NWD2: variants seen among roughly 807,000 people sequenced by gnomAD.
The protein encoded by NWD2 is NACHT and WD repeat domain containing 2, also known as NACHT and WD repeat domain-containing protein 2.
A neutral mutation model predicts 132.7 loss-of-function variants in NWD2; 37 were observed. That is an observed-to-expected ratio of 0.28 (90% CI 0.21 to 0.37). The LOEUF is 0.37. Among genes scored for constraint, NWD2 ranks in the 10% least tolerant of loss-of-function variants. The pLI is 1.00. For missense variants in NWD2, 1,592 were observed against 2,122.4 expected, an observed-to-expected ratio of 0.75 and a Z score of 4.91; for synonymous variants, 705 against 803.0, an observed-to-expected ratio of 0.88 and a Z score of 2.06.
intron 3 of NWD2, among the ~76,000 whole-genome samples, chr4:37,392,751 T>C (rs1222874336): frequency 6.6e-6 from 1 of 152,216 alleles, no homozygotes; most frequent in Non-Finnish European, 1.5e-5. Context: ...CTCTGCACAC[T>C]GCAGGGCACT....
chr4:37,432,047 T>G (rs1451140374), intron 4 of NWD2, among the ~76,000 whole-genome samples: 1 of 152,198 alleles, frequency 6.6e-6, no homozygotes, highest in Non-Finnish European at 1.5e-5. Context: ...CTATAATGTG[T>G]CTATTTGTTC....
intron 2 of NWD2, among the ~76,000 whole-genome samples, chr4:37,346,763 G>T (rs906617541): frequency 1.2e-4 from 19 of 152,022 alleles, no homozygotes; most frequent in Admixed American, 1.3e-4. Flanking sequence ...TTTTCTTAGT[G>T]ATCTTATGAA....
At chr4:37,395,584 C>CAAAAAAAAAAAAAAAAAAAAAAAAAA (rs1156884728) in intron 3 of NWD2, among the ~76,000 whole-genome samples, 1 of 18,276 alleles carries the variant, frequency 5.5e-5, no homozygotes, top group African/African-American at 1.9e-4. Flanking sequence ...AACTCTGTCT[C>CAAAAAAAAAAAAAAAAAAAAAAAAAA]AAAAAAAAAA....
intron 3 of NWD2, among the ~76,000 whole-genome samples, chr4:37,380,812 G>A (rs1173672601): frequency 6.6e-6 from 1 of 152,164 alleles, no homozygotes; most frequent in Non-Finnish European, 1.5e-5. Context: ...GTGGAATTCG[G>A]AGGCTTCATC....
intron 2 of NWD2, among the ~76,000 whole-genome samples, chr4:37,341,925 T>G (rs538065344): frequency 7.9e-5 from 12 of 152,236 alleles, no homozygotes; most frequent in African/African-American, 2.9e-4. Flanking sequence ...GAGCAAGAAT[T>G]TAAGCAGGGA....
chr4:37,350,663 A>C (rs967388459), intron 2 of NWD2, among the ~76,000 whole-genome samples: 1 of 152,128 alleles, frequency 6.6e-6, no homozygotes, highest in Non-Finnish European at 1.5e-5. Context: ...TTCTTATCTG[A>C]ATACCCTTTA....
chr4:37,261,507 AC>A lies in NWD2; in HGVS notation c.151+16292del, dbSNP rs1717635696. Among the ~76,000 whole-genome samples, 2 of 152,128 alleles carry A rather than the reference AC, an allele frequency of 1.3e-5. 1 individual carries two copies. Among genetic ancestry groups the A allele is most frequent in the African/African-American group, 4.8e-5 (2 of 41,420 alleles). On this transcript the variant is annotated intron_variant, in intron 1 of 6. Coordinates refer to ENST00000309447, the MANE Select transcript of NWD2 (RefSeq NM_001144990.2). ...AGGCATGCCTTCTTACTTCACAGAC[AC>A]CCATTTTCCATGAAACTCGCAAGAA...
At chr4:37,338,671 T>C (rs977134631) in intron 2 of NWD2, among the ~76,000 whole-genome samples, 11 of 152,214 alleles carry the variant, frequency 7.2e-5, no homozygotes, top group Non-Finnish European at 1.6e-4. Context: ...AGCGTGGCCT[T>C]ACTAATAATT....
At chr4:37,306,351 A>T (rs1718708354) in intron 1 of NWD2, among the ~76,000 whole-genome samples, 1 of 151,648 alleles carries the variant, frequency 6.6e-6, no homozygotes, top group South Asian at 2.1e-4. Context: ...TATTTCCTTT[A>T]TTCTAATGTG....
Position 37,445,648 on chromosome 4 carries a change from G to A in NWD2, c.3660G>A (p.Trp1220Ter). 1 of 1,552,248 alleles carries A rather than the reference G, an allele frequency of 6.4e-7. No individual in the cohort carries two copies. The highest frequency in any genetic ancestry group is 1.2e-5 in the South Asian group (1 of 84,062). The change falls in exon 7 of 7, where the codon TGG (tryptophan) becomes TGA (stop). Residue 1220 changes from tryptophan to a stop codon, truncating the protein, a stop_gained. Coordinates refer to ENST00000309447, the MANE Select transcript of NWD2 (RefSeq NM_001144990.2). LOFTEE classifies it high-confidence loss of function. This position sits in a 1 kb window ranked among gnomAD's most constrained non-coding sequence, Gnocchi z 4.7. ...TTGAGCTCTTAGATACTGGTCTGTG[G>A]AAGGTGGCTGAAAAGTTCAGAGCCA... is the stretch of plus-strand genomic sequence containing the variant. ...LSIELLDTGL[W>*]KVAEKFRAKH... is the part of the protein sequence containing the mutation.
chr4:37,358,350 T>C (rs1176859760), intron 3 of NWD2, among the ~76,000 whole-genome samples: 1 of 149,748 alleles, frequency 6.7e-6, no homozygotes, highest in Non-Finnish European at 1.5e-5. Context: ...ATACGTGGTT[T>C]GGGGGGGTTG....
chr4:37,386,194 C>T (rs930537305), intron 3 of NWD2, among the ~76,000 whole-genome samples: 2 of 152,058 alleles, frequency 1.3e-5, no homozygotes, highest in African/African-American at 4.8e-5. Context: ...GGGATTTCTA[C>T]AGCTAAACTC....
chr4:37,308,645 T>C (rs1718765023), intron 1 of NWD2, among the ~76,000 whole-genome samples: 1 of 152,122 alleles, frequency 6.6e-6, no homozygotes, highest in Non-Finnish European at 1.5e-5. Context: ...AGCAGGGTAG[T>C]TCTTAGGCCC....
chr4:37,433,592 C>T (rs1005859160), intron 4 of NWD2, among the ~76,000 whole-genome samples: 11 of 152,188 alleles, frequency 7.2e-5, no homozygotes, highest in African/African-American at 2.6e-4. Flanking sequence ...TTTCTTATGG[C>T]ATTTGTATCA....
chr4:37,447,251 T>C lies in NWD2; in HGVS notation c.*34T>C. On this transcript the variant is annotated 3_prime_UTR_variant, in exon 7 of 7. Coordinates refer to ENST00000309447, the MANE Select transcript of NWD2 (RefSeq NM_001144990.2). ...TTTCCAGCTAAGCAGAAATATGTGA[T>C]CCACGTACAGAAGGGAAAAAAATGT... 6.7e-7 allele frequency: 1 copy of C among 1,488,660 alleles called. No individual in the cohort carries two copies. Among genetic ancestry groups the C allele is most frequent in the Non-Finnish European group, 9.1e-7 (1 of 1,102,266 alleles). 92.2% of individuals were successfully genotyped at this position (1,488,660 alleles called of 1,614,324 possible). A position where few individuals can be genotyped will look rare whatever the true frequency, so the allele number is the denominator to read the frequency against.
At chr4:37,317,428 C>G (rs763213505) in intron 1 of NWD2, among the ~76,000 whole-genome samples, 2 of 152,176 alleles carry the variant, frequency 1.3e-5, no homozygotes, top group Non-Finnish European at 2.9e-5. Flanking sequence ...TTGTCTACCT[C>G]TGAGACCACT....
At chr4:37,391,355 C>T (rs1182328409) in intron 3 of NWD2, among the ~76,000 whole-genome samples, 2 of 152,130 alleles carry the variant, frequency 1.3e-5, no homozygotes, top group African/African-American at 4.8e-5. Context: ...TACATGTAGA[C>T]GTGCCTGCAG....
chr4:37,338,251 T>A (rs769620742), intron 2 of NWD2, among the ~76,000 whole-genome samples: 1 of 152,222 alleles, frequency 6.6e-6, no homozygotes, highest in African/African-American at 2.4e-5. Context: ...TTGTGTGTGA[T>A]CATGTAATTG....
intron 2 of NWD2, among the ~76,000 whole-genome samples, chr4:37,346,858 CA>C (rs1281460421): frequency 6.6e-6 from 1 of 152,008 alleles, no homozygotes; most frequent in Non-Finnish European, 1.5e-5. Context: ...TTAATTTCAT[CA>C]GATTTTTTCA....
Sources: gnomAD v4.1 joint callset for allele counts (sites outside exome capture counted in the v4.1 genomes callset) on GRCh38, gnomAD v4.1.1 for gene constraint, Gnocchi (gnomAD v3.1) non-coding constraint, MANE v1.5 for transcripts, NCBI Gene and HGNC (gene_info 2026-07-23, HGNC 2026-07-21) for gene names.